Variants in BMP2K observed in about 807,000 individuals in gnomAD.
BMP2K encodes BMP-2-inducible protein kinase.
In BMP2K, 74 loss-of-function variants were observed where a neutral mutation model predicts 116.0. The observed-to-expected ratio is 0.64, with a 90% CI of 0.53 to 0.77. The LOEUF is 0.77. Among genes scored for constraint, BMP2K ranks in the 30% least tolerant of loss-of-function variants. BMP2K has a pLI of 0.00. For synonymous variants in BMP2K, 486 were observed against 502.5 expected (o/e 0.97, Z 0.44); for missense variants, 1,365 against 1,403.6 (o/e 0.97, Z 0.44).
chr4:78,865,626 T>C lies in BMP2K; in HGVS notation c.1137T>C (p.Ala379=), dbSNP rs1169635373. The C allele has an allele frequency of 1.2e-6, 2 of 1,614,018 alleles. No individual in the cohort carries two copies. Among genetic ancestry groups the C allele is most frequent in the Non-Finnish European group, 1.7e-6 (2 of 1,180,002 alleles). ...APRQRPKANS[A]TTATPSVLTI... is the part of the protein sequence containing the mutation. ...GACAAAGACCAAAGGCCAACTCTGCTACTACTGCCACTCCCAGTGTGCTGA... is the reference window on the plus strand; with the variant it reads ...GACAAAGACCAAAGGCCAACTCTGCCACTACTGCCACTCCCAGTGTGCTGA... Residue 379 remains alanine, a synonymous_variant, in exon 10 of 16, where the codon GCT becomes GCC. Transcript: ENST00000502613.
rs974866828 is a variant in BMP2K at position 78,812,583 on chromosome 4, C to T, written c.179-13454C>T. Among the ~76,000 whole-genome samples, 25 of 152,278 alleles carry T rather than the reference C, an allele frequency of 1.6e-4. No individual in the cohort carries two copies. The East Asian group carries it at 3.1e-3, about 19-fold the overall frequency. On this transcript the variant is annotated intron_variant, in intron 1 of 15. Coordinates refer to ENST00000502613, the MANE Select transcript of BMP2K (RefSeq NM_198892.2). Reference sequence around the variant, plus strand: ...TTTTACCCTACTAAGTCTCCTTCCCCGGGGGAAGACTTATTACCCATTAAA... The same window carrying T: ...TTTTACCCTACTAAGTCTCCTTCCCTGGGGGAAGACTTATTACCCATTAAA...
chr4:78,840,225 AC>A (rs1730692457), intron 3 of BMP2K, among the ~76,000 whole-genome samples: 1 of 152,014 alleles, frequency 6.6e-6, no homozygotes, highest in African/African-American at 2.4e-5. Context: ...GGTTAATGAT[AC>A]CTCTTTGGAA....
chr4:78,817,108 G>C (rs1476041882), intron 1 of BMP2K, among the ~76,000 whole-genome samples: 1 of 152,164 alleles, frequency 6.6e-6, no homozygotes. Context: ...CTTCTTAAAT[G>C]TTAGTTGAAT....
intron 6 of BMP2K, among the ~76,000 whole-genome samples, chr4:78,849,947 A>G (rs1393604857): frequency 6.6e-6 from 1 of 151,760 alleles, no homozygotes; most frequent in East Asian, 1.9e-4. Context: ...TACTAAGTTG[A>G]TATGTGGAGA....
chr4:78,855,143 TATTAA>T (rs1403115337), intron 7 of BMP2K, among the ~76,000 whole-genome samples: 2 of 152,250 alleles, frequency 1.3e-5, no homozygotes, highest in East Asian at 3.9e-4. Context: ...TATTATCAGC[TATTAA>T]ATTTAGTTTC....
At chr4:78,805,577 A>T (rs897573058) in intron 1 of BMP2K, among the ~76,000 whole-genome samples, 3 of 152,162 alleles carry the variant, frequency 2.0e-5, no homozygotes, top group African/African-American at 4.8e-5. Context: ...ACAAATTTTT[A>T]TTAAGTTTAT....
intron 1 of BMP2K, among the ~76,000 whole-genome samples, chr4:78,810,871 G>T (rs141526123): frequency 1.7e-3 from 253 of 152,218 alleles, no homozygotes; most frequent in Non-Finnish European, 2.5e-3. Context: ...TGAAAAAGTT[G>T]ATTTTGACAA....
chr4:78,894,937 G>T (rs1375314737), intron 15 of BMP2K, among the ~76,000 whole-genome samples: 1 of 152,130 alleles, frequency 6.6e-6, no homozygotes, highest in Non-Finnish European at 1.5e-5. Flanking sequence ...TAAGGAAAGG[G>T]AGAGAGACAC....
intron 1 of BMP2K, among the ~76,000 whole-genome samples, chr4:78,817,444 C>T (rs6534005): frequency 0.19 from 28,391 of 152,102 alleles, 5,669 homozygotes; most frequent in African/African-American, 0.5. Flanking sequence ...GAAAGTGCTA[C>T]GCTTACAATT....
intron 1 of BMP2K, among the ~76,000 whole-genome samples, chr4:78,788,550 T>G (rs1375928870): frequency 6.6e-6 from 1 of 152,152 alleles, no homozygotes; most frequent in East Asian, 1.9e-4. Context: ...AGCAAAATGT[T>G]TATGCAACCC....
chr4:78,781,816 G>A (rs1389395255), intron 1 of BMP2K, among the ~76,000 whole-genome samples: 4 of 152,162 alleles, frequency 2.6e-5, no homozygotes, highest in Non-Finnish European at 4.4e-5. Flanking sequence ...GATGCTGCCG[G>A]TTCAGGAACC....
At position 78,845,036 on chromosome 4, in the gene BMP2K, G is replaced by A; in HGVS notation, c.655G>A (p.Glu219Lys). Reference sequence around the variant, plus strand: ...AAAAGATGGAGTTAATGTAGTAGAAGAAGAAATTAAAAAGTAAGTATTTGT... The same window carrying A: ...AAAAGATGGAGTTAATGTAGTAGAAAAAGAAATTAAAAAGTAAGTATTTGT... ...PQKDGVNVVE[E>K]EIKKYTTLSY... The change falls in exon 5 of 16, where the codon GAA (glutamate) becomes AAA (lysine). Residue 219 changes from glutamate (E) to lysine (K), a missense_variant. Physicochemically the swap from Glu to Lys is moderately conservative, Grantham distance 56 (BLOSUM62 1). This residue lies in a region of BMP2K where 762 missense variants were observed against 756.7 expected (regional missense o/e 1.01). Transcript: ENST00000502613. 6.3e-7 allele frequency: 1 copy of A among 1,576,560 alleles called. No homozygotes were observed. The highest frequency in any genetic ancestry group is 8.7e-7 in the Non-Finnish European group (1 of 1,152,958).
intron 1 of BMP2K, among the ~76,000 whole-genome samples, chr4:78,782,783 G>A (rs1410522223): frequency 2.6e-5 from 4 of 152,158 alleles, no homozygotes; most frequent in Non-Finnish European, 5.9e-5. Context: ...ACATTTTGTG[G>A]TTAATTTTGA....
chr4:78,786,679 G>A (rs1330485912), intron 1 of BMP2K, among the ~76,000 whole-genome samples: 1 of 151,794 alleles, frequency 6.6e-6, no homozygotes, highest in Non-Finnish European at 1.5e-5. Flanking sequence ...TTAAAAATGG[G>A]GTCTTGTAGG....
intron 10 of BMP2K, 77 bp downstream of exon 10, chr4:78,865,797 A>G: frequency 7.0e-7 from 1 of 1,433,090 alleles, no homozygotes; most frequent in Non-Finnish European, 9.7e-7. Context: ...TCCTGACCTC[A>G]GGTGATCCTT....
intron 1 of BMP2K, among the ~76,000 whole-genome samples, chr4:78,780,016 G>A (rs1727428912): frequency 6.6e-6 from 1 of 152,164 alleles, no homozygotes; most frequent in Admixed American, 6.5e-5. Context: ...GCTTCAAACA[G>A]TGACAAATTG....
chr4:78,779,342 T>C (rs1727394145), intron 1 of BMP2K, among the ~76,000 whole-genome samples: 1 of 152,210 alleles, frequency 6.6e-6, no homozygotes, highest in African/African-American at 2.4e-5. Context: ...TCAATGAAGA[T>C]TATCTCACAC....
intron 1 of BMP2K, among the ~76,000 whole-genome samples, chr4:78,789,862 A>G (rs1190541194): frequency 6.6e-6 from 1 of 152,214 alleles, no homozygotes; most frequent in Non-Finnish European, 1.5e-5. Context: ...GGAGAAAGGT[A>G]AAAGAGAGAA....
At chr4:78,845,562 A>G (rs1222274431) in intron 5 of BMP2K, among the ~76,000 whole-genome samples, 3 of 151,636 alleles carry the variant, frequency 2.0e-5, no homozygotes, top group Non-Finnish European at 4.4e-5. Context: ...TGTCATATCT[A>G]CTTTATGTTC....
Sources: allele counts gnomAD v4.1 joint callset (sites outside exome capture counted in the v4.1 genomes callset), GRCh38; gene constraint gnomAD v4.1.1; regional missense constraint gnomAD v4.1.1; transcripts MANE v1.5; gene names NCBI Gene and HGNC (gene_info 2026-07-23, HGNC 2026-07-21).